Variants in RPS6KC1 observed in about 807,000 individuals in gnomAD.
RPS6KC1 encodes the protein inactive ribosomal protein S6 kinase delta-1.
RPS6KC1 carries 54 observed loss-of-function variants against 103.8 expected under a neutral mutation model. That is an observed-to-expected ratio of 0.52 (90% CI 0.42 to 0.65). RPS6KC1 has a LOEUF of 0.65. RPS6KC1 is among the 30% of genes least tolerant of loss of function. The pLI is 0.00. For missense variants in RPS6KC1, 1,151 were observed against 1,253.8 expected (o/e 0.92, Z 1.24); for synonymous variants, 439 against 438.7 (o/e 1.00, Z -0.01).
chr1:213,803,240 C>CTT, the RPS6KC1 span, among the ~76,000 whole-genome samples: 147 of 101,328 alleles, frequency 1.5e-3, no homozygotes, highest in East Asian at 2.1e-3. Flanking sequence ...AAGGCAGTGG[C>CTT]TTTTTTTTTT....
chr1:213,671,145 A>G, the RPS6KC1 span, among the ~76,000 whole-genome samples: 3 of 152,178 alleles, frequency 2.0e-5, no homozygotes, highest in African/African-American at 7.2e-5. Context: ...CCATTGATGG[A>G]CACCTAGGTT....
chr1:213,816,702 C>T, the RPS6KC1 span, among the ~76,000 whole-genome samples: 12 of 152,210 alleles, frequency 7.9e-5, no homozygotes, highest in Non-Finnish European at 1.5e-5. Flanking sequence ...ACTGATCCCT[C>T]TCTCTCCTTC....
At chr1:213,091,147 T>G (rs1486533673) in intron 3 of RPS6KC1, among the ~76,000 whole-genome samples, 6 of 152,044 alleles carry the variant, frequency 3.9e-5, no homozygotes, top group Non-Finnish European at 5.9e-5. Flanking sequence ...AAGCTCTGCC[T>G]CCTGGATTCA....
chr1:213,563,229 A>G, the RPS6KC1 span, among the ~76,000 whole-genome samples: 2 of 152,142 alleles, frequency 1.3e-5, no homozygotes, highest in Admixed American at 1.3e-4. Context: ...GCCCCTCTTT[A>G]ATAATTCTTA....
intron 3 of RPS6KC1, among the ~76,000 whole-genome samples, chr1:213,091,503 A>G (rs920165807): frequency 6.6e-6 from 1 of 152,214 alleles, no homozygotes; most frequent in African/African-American, 2.4e-5. Context: ...TTGTTACATT[A>G]CAATCCGTTG....
chr1:213,752,842 A>G, the RPS6KC1 span, among the ~76,000 whole-genome samples: 42 of 151,736 alleles, frequency 2.8e-4, no homozygotes, highest in South Asian at 8.3e-3. Flanking sequence ...CAATCTGTCC[A>G]CTTAGACTCC....
the RPS6KC1 span, among the ~76,000 whole-genome samples, chr1:213,446,123 G>T: frequency 2.8e-3 from 428 of 152,260 alleles, 5 homozygotes; most frequent in African/African-American, 9.8e-3. Flanking sequence ...TGGAGTCTGG[G>T]CTTCAAGGGC....
chr1:213,386,870 C>T, the RPS6KC1 span, among the ~76,000 whole-genome samples: 19,389 of 152,254 alleles, frequency 0.13, 1,601 homozygotes, highest in Non-Finnish European at 0.19. Context: ...TCTCTGGTGT[C>T]AGAAGGTGTC....
At chr1:213,780,321 C>T in the RPS6KC1 span, among the ~76,000 whole-genome samples, 1 of 152,180 alleles carries the variant, frequency 6.6e-6, no homozygotes, top group Admixed American at 6.5e-5. Flanking sequence ...AAGCAGCGGC[C>T]AGATGCCCAA....
chr1:213,769,394 G>A, the RPS6KC1 span, among the ~76,000 whole-genome samples: 132 of 152,226 alleles, frequency 8.7e-4, no homozygotes, highest in African/African-American at 2.8e-3. Flanking sequence ...TGCCTTCAAG[G>A]TAAGGCTGCT....
chr1:213,318,934 C>G, the RPS6KC1 span, among the ~76,000 whole-genome samples: 3 of 152,158 alleles, frequency 2.0e-5, no homozygotes, highest in Non-Finnish European at 4.4e-5. Flanking sequence ...AGTCTGCTTG[C>G]TAATTAGGGA....
chr1:213,069,143 A>G (rs1424039462), intron 1 of RPS6KC1, among the ~76,000 whole-genome samples: 1 of 152,146 alleles, frequency 6.6e-6, no homozygotes, highest in Admixed American at 6.5e-5. Flanking sequence ...GTGGCTCAGT[A>G]GCCACACACA....
chr1:213,602,128 T>TTCTTTCTTTC, the RPS6KC1 span, among the ~76,000 whole-genome samples: 5 of 56,264 alleles, frequency 8.9e-5, no homozygotes, highest in Non-Finnish European at 1.7e-4. Flanking sequence ...TTCTCTTTCT[T>TTCTTTCTTTC]TCTTTCTTTC....
the RPS6KC1 span, among the ~76,000 whole-genome samples, chr1:213,770,090 G>T: frequency 6.6e-6 from 1 of 152,216 alleles, no homozygotes; most frequent in East Asian, 1.9e-4. Flanking sequence ...TTCTGGGTAA[G>T]ATTCACTTTG....
chr1:213,340,870 G>A, the RPS6KC1 span, among the ~76,000 whole-genome samples: 2 of 152,368 alleles, frequency 1.3e-5, no homozygotes, highest in South Asian at 2.1e-4. Flanking sequence ...GTGATTGGGG[G>A]CAGGAATAAA....
chr1:213,309,613 T>A, the RPS6KC1 span, among the ~76,000 whole-genome samples: 2 of 152,214 alleles, frequency 1.3e-5, no homozygotes, highest in Non-Finnish European at 2.9e-5. Flanking sequence ...GGAGCTTGGG[T>A]GCACTGCCTG....
the RPS6KC1 span, among the ~76,000 whole-genome samples, chr1:213,476,735 A>G: frequency 6.6e-6 from 1 of 152,022 alleles, no homozygotes. Context: ...CCTGTTCCTT[A>G]CCCTTTTCTC....
At chr1:213,730,212 T>A in the RPS6KC1 span, among the ~76,000 whole-genome samples, 1 of 152,258 alleles carries the variant, frequency 6.6e-6, no homozygotes, top group Non-Finnish European at 1.5e-5. Context: ...TTTGCTATTG[T>A]GAATAGTGCT....
chr1:213,515,295 G>A, the RPS6KC1 span, among the ~76,000 whole-genome samples: 30 of 152,180 alleles, frequency 2.0e-4, no homozygotes, highest in Non-Finnish European at 4.3e-4. Context: ...TAGACATGAA[G>A]TCCTTGCCCA....
Sources: gnomAD v4.1 joint callset for allele counts (sites outside exome capture counted in the v4.1 genomes callset) on GRCh38, gnomAD v4.1.1 for gene constraint, MANE v1.5 for transcripts, NCBI Gene and HGNC (gene_info 2026-07-23, HGNC 2026-07-21) for gene names.